Variants in FARP2 observed in about 807,000 individuals in gnomAD.
The protein encoded by FARP2 is FERM, ARH/RhoGEF and pleckstrin domain protein 2, also known as FERM, ARHGEF and pleckstrin domain-containing protein 2.
In FARP2, 111 loss-of-function variants were observed where a neutral mutation model predicts 130.5. The observed-to-expected ratio is 0.85, with a 90% CI of 0.73 to 1.00. FARP2 has a LOEUF of 1.00. Among genes scored for constraint, FARP2 ranks in the 50% least tolerant of loss-of-function variants. The pLI is 0.00. For missense variants in FARP2, 1,385 were observed against 1,346.3 expected (o/e 1.03, Z -0.45); for synonymous variants, 504 against 516.9 (o/e 0.98, Z 0.34).
intron 8 of FARP2, 25 bp from the exon 9 acceptor site, chr2:241,431,654 A>G (rs1463326284): frequency 1.6e-6 from 2 of 1,231,442 alleles, no homozygotes; most frequent in Admixed American, 1.7e-5. Flanking sequence ...ATACAAATGT[A>G]ATCTGTCTGT....
At chr2:241,444,741 G>C (rs1467620379) in intron 13 of FARP2, 1 of 152,036 alleles carries the variant, frequency 6.6e-6, no homozygotes, top group Non-Finnish European at 1.5e-5. Context: ...TGCTGTTTTT[G>C]GTTTGTGTTA....
At chr2:241,360,790 C>A (rs2061169180) in intron 1 of FARP2, among the ~76,000 whole-genome samples, 1 of 151,948 alleles carries the variant, frequency 6.6e-6, no homozygotes, top group Non-Finnish European at 1.5e-5. Flanking sequence ...ATCTAACACA[C>A]CTGTGTAATA....
chr2:241,398,558 C>T (rs1259553322), intron 2 of FARP2, among the ~76,000 whole-genome samples: 1 of 150,866 alleles, frequency 6.6e-6, no homozygotes, highest in Admixed American at 6.7e-5. Flanking sequence ...ATGAGTAAAG[C>T]TTCTGTGAAC....
chr2:241,441,732 C>T, intron 13 of FARP2, 176 bp downstream of exon 13: 1 of 948,144 alleles, frequency 1.1e-6, no homozygotes, highest in East Asian at 2.6e-5. Flanking sequence ...GTGGGGAGCA[C>T]CGGTGTGACC....
chr2:241,361,438 C>G (rs564117043), intron 1 of FARP2, among the ~76,000 whole-genome samples: 1 of 152,250 alleles, frequency 6.6e-6, no homozygotes, highest in East Asian at 1.9e-4. Flanking sequence ...CTTAATGTAC[C>G]CTTACGTGGA....
At chr2:241,488,078 C>G (rs916652881) in intron 21 of FARP2, 2 of 152,278 alleles carry the variant, frequency 1.3e-5, no homozygotes, top group African/African-American at 4.8e-5. Flanking sequence ...CATTAGCTTA[C>G]AGTTGGGCAA....
At chr2:241,493,193 TG>T in intron 25 of FARP2, 99 bp from the exon 26 acceptor site, 1 of 1,389,324 alleles carries the variant, frequency 7.2e-7, no homozygotes, top group Non-Finnish European at 1.0e-6. Flanking sequence ...CCTTGGCCCG[TG>T]GGCATTTGTA....
chr2:241,409,926 A>G lies in FARP2; in HGVS notation c.411-1107A>G, dbSNP rs986036493. Among the ~76,000 whole-genome samples the G allele has an allele frequency of 7.9e-5, 12 of 152,288 alleles. 1 individual carries two copies. The highest frequency in any genetic ancestry group is 5.9e-4 in the Admixed American group (9 of 15,292). ...TTGTGAACTATGGGAATATTAGTCT[A>G]GGAAAGTTTGTAGAAATGGAATTGC... is the stretch of plus-strand genomic sequence containing the variant. On this transcript the variant is annotated intron_variant, in intron 5 of 26. Transcript: ENST00000264042.
intron 1 of FARP2, among the ~76,000 whole-genome samples, chr2:241,366,133 A>ATACATATATATATACGTATATATG: frequency 7.3e-6 from 1 of 136,672 alleles, no homozygotes; most frequent in East Asian, 2.0e-4. Flanking sequence ...GTATATATAT[A>ATACATATATATATACGTATATATG]TATATACACA....
chr2:241,373,101 G>C lies in FARP2; in HGVS notation c.-7G>C. 1 of 1,356,518 alleles carries C rather than the reference G, an allele frequency of 7.4e-7. No individual in the cohort carries two copies. Among genetic ancestry groups the C allele is most frequent in the African/African-American group, 1.5e-5 (1 of 66,658 alleles). The allele number at this position is 1,356,518 out of a possible 1,614,324, so 84.0% of individuals were successfully genotyped here. ...CATTTTAGTGTTTTCTTCACTCATGGTGAAGAATGGGGGAGATAGAAGGAA... is the reference window on the plus strand; with the variant it reads ...CATTTTAGTGTTTTCTTCACTCATGCTGAAGAATGGGGGAGATAGAAGGAA... On this transcript the variant is annotated 5_prime_UTR_variant, in exon 2 of 27. Coordinates refer to ENST00000264042, the MANE Select transcript of FARP2 (RefSeq NM_014808.4).
At chr2:241,406,744 G>A (rs1168775978) in intron 4 of FARP2, among the ~76,000 whole-genome samples, 1 of 152,036 alleles carries the variant, frequency 6.6e-6, no homozygotes, top group Non-Finnish European at 1.5e-5. Context: ...GATTACAGAT[G>A]TGAGCCACTG....
At chr2:241,402,550 C>T (rs1010277345) in intron 2 of FARP2, among the ~76,000 whole-genome samples, 8 of 151,928 alleles carry the variant, frequency 5.3e-5, no homozygotes, top group African/African-American at 1.9e-4. Flanking sequence ...TTTTGCTATG[C>T]TTAGGAAGAC....
chr2:241,489,874 T>C (rs1169942177), intron 21 of FARP2, 88 bp from the exon 22 acceptor site: 2 of 864,952 alleles, frequency 2.3e-6, no homozygotes, highest in Non-Finnish European at 3.9e-6. Context: ...CCACCTAGCA[T>C]TGCCAGCAGT....
chr2:241,437,662 A>ATT (rs1254102658), intron 12 of FARP2, among the ~76,000 whole-genome samples: 24 of 135,410 alleles, frequency 1.8e-4, no homozygotes, highest in African/African-American at 5.8e-4. Flanking sequence ...TTATTTATTT[A>ATT]TTTATTTATT....
intron 2 of FARP2, among the ~76,000 whole-genome samples, chr2:241,376,376 G>A (rs574366351): frequency 5.3e-5 from 8 of 152,336 alleles, no homozygotes; most frequent in South Asian, 4.1e-4. Flanking sequence ...ATGAGAGAGC[G>A]GCCAGGAATT....
Position 241,475,731 on chromosome 2 carries a change from T to A in FARP2, c.2132-126T>A. The A allele has an allele frequency of 1.3e-6, 1 of 765,716 alleles. No individual in the cohort carries two copies. The highest frequency in any genetic ancestry group is 1.9e-6 in the Non-Finnish European group (1 of 532,170). The allele number at this position is 765,716 out of a possible 1,614,324, so 47.4% of individuals were successfully genotyped here. A position where few individuals can be genotyped will look rare whatever the true frequency, so the allele number is the denominator to read the frequency against. On this transcript the variant is annotated intron_variant, in intron 18 of 26. Transcript: ENST00000264042. This position sits in a 1 kb window ranked among gnomAD's most constrained non-coding sequence, Gnocchi z 4.4. ...TGTTGGGGACCGCTGCTATAAGGAGTCGAGTAGGATGTACCTCTAATTAGA... is the reference window on the plus strand; with the variant it reads ...TGTTGGGGACCGCTGCTATAAGGAGACGAGTAGGATGTACCTCTAATTAGA...
intron 21 of FARP2, chr2:241,488,474 A>G (rs1456103246): frequency 1.4e-5 from 2 of 140,264 alleles, no homozygotes; most frequent in Admixed American, 7.7e-5. Flanking sequence ...TGGAGTGCCC[A>G]GGCACGATCT....
chr2:241,478,509 T>C, intron 19 of FARP2: 1 of 358,444 alleles, frequency 2.8e-6, no homozygotes, highest in Non-Finnish European at 5.8e-6. Flanking sequence ...AAATACTTCC[T>C]GTACTCCTTG....
Position 241,483,419 on chromosome 2 carries a change from A to G in FARP2, c.2263-46A>G, listed in dbSNP as rs772875888. The G allele has an allele frequency of 2.6e-6, 4 of 1,542,798 alleles. No homozygotes were observed. The Admixed American group carries it at 5.0e-5, about 19-fold the overall frequency. ...CCTCAGCCCGGCTAGTGCATCCGCC[A>G]GCTGCCCTCAGCCCGCTGAAAGGGG... On this transcript the variant is annotated intron_variant, in intron 19 of 26. Transcript: ENST00000264042.
Sources: gnomAD v4.1 joint callset for allele counts (sites outside exome capture counted in the v4.1 genomes callset) on GRCh38, gnomAD v4.1.1 for gene constraint, Gnocchi (gnomAD v3.1) non-coding constraint, MANE v1.5 for transcripts, NCBI Gene and HGNC (gene_info 2026-07-23, HGNC 2026-07-21) for gene names.